The following TNKS variants were observed in gnomAD, a reference collection of about 807,000 sequenced individuals.
TNKS encodes tankyrase, also known as poly [ADP-ribose] polymerase tankyrase-1.
In TNKS, 72 loss-of-function variants were observed where a neutral mutation model predicts 135.8. That is an observed-to-expected ratio of 0.53 (90% CI 0.44 to 0.64). The LOEUF (loss-of-function observed/expected upper bound fraction) is 0.64, where lower values mean the gene tolerates loss of function less well. TNKS is among the 30% of genes least tolerant of loss of function. The pLI is 0.00. For synonymous variants in TNKS, 849 were observed against 649.3 expected (o/e 1.31, Z -4.68); for missense variants, 1,769 against 1,674.0 (o/e 1.06, Z -0.99).
At chr8:9,758,479 G>A (rs745826543) in intron 20 of TNKS, among the ~76,000 whole-genome samples, 10 of 152,104 alleles carry the variant, frequency 6.6e-5, no homozygotes, top group African/African-American at 1.9e-4. Flanking sequence ...CCAAGATAGC[G>A]TAGGTAGATC....
At chr8:9,632,889 C>G (rs1048922727) in intron 3 of TNKS, among the ~76,000 whole-genome samples, 3 of 152,102 alleles carry the variant, frequency 2.0e-5, no homozygotes, top group Non-Finnish European at 4.4e-5. Flanking sequence ...GCCACCACGC[C>G]CGGCTAATTT....
rs1040332297 is a variant in TNKS at position 9,780,986 on chromosome 8, T to C, written c.*4250T>C. On this transcript the variant is annotated 3_prime_UTR_variant, in exon 27 of 27. Coordinates refer to ENST00000310430, the MANE Select transcript of TNKS (RefSeq NM_003747.3). ...GATACCTTGTAGAATATGAGTGATATGCAAGCTGTGTTTTTTAATTGTTTT... is the reference window on the plus strand; with the variant it reads ...GATACCTTGTAGAATATGAGTGATACGCAAGCTGTGTTTTTTAATTGTTTT... 2.0e-5 allele frequency: 3 copies of C among 152,216 alleles called. No individual in the cohort carries two copies. Among genetic ancestry groups the C allele is most frequent in the African/African-American group, 7.2e-5 (3 of 41,446 alleles). The allele number at this position is 152,216 out of a possible 1,614,324, so 9.4% of individuals were successfully genotyped here.
rs144234813 is a variant in TNKS, at chr8:9,626,376, C to G, written c.994+10699C>G. 2.0e-3 allele frequency among the ~76,000 whole-genome samples: 297 copies of G among 152,252 alleles called. 2 individuals are homozygous for G. The highest frequency in any genetic ancestry group is 6.7e-3 in the African/African-American group (279 of 41,546). On this transcript the variant is annotated intron_variant, in intron 3 of 26. Coordinates refer to ENST00000310430, the MANE Select transcript of TNKS (RefSeq NM_003747.3). ...GACAATTTGTTTTTGAATTGGTATA[C>G]TTAGGCGCTGTGAGATTTATGGCAA...
At chr8:9,768,594 C>T (rs1218630777) in intron 25 of TNKS, among the ~76,000 whole-genome samples, 5 of 152,234 alleles carry the variant, frequency 3.3e-5, no homozygotes, top group Non-Finnish European at 5.9e-5. Context: ...CAGCTCACCG[C>T]TGGCTGAGCA....
At chr8:9,608,595 A>ACAGCC (rs1483758791) in intron 2 of TNKS, among the ~76,000 whole-genome samples, 1 of 152,160 alleles carries the variant, frequency 6.6e-6, no homozygotes, top group African/African-American at 2.4e-5. Flanking sequence ...CTGCACAGGT[A>ACAGCC]CAGCCCAGCC....
intron 14 of TNKS, among the ~76,000 whole-genome samples, chr8:9,731,727 G>C (rs1468404016): frequency 6.6e-6 from 1 of 152,166 alleles, no homozygotes; most frequent in East Asian, 1.9e-4. Context: ...TCCCATATCA[G>C]TACTTAATAG....
chr8:9,753,350 A>T (rs1806653490), intron 20 of TNKS, among the ~76,000 whole-genome samples: 1 of 152,202 alleles, frequency 6.6e-6, no homozygotes, highest in African/African-American at 2.4e-5. Flanking sequence ...ACTTTTAAAA[A>T]ATTGCCCCTT....
At chr8:9,580,132 A>G in intron 1 of TNKS, 27 bp from the exon 2 acceptor site, 3 of 1,593,406 alleles carry the variant, frequency 1.9e-6, no homozygotes, top group South Asian at 1.1e-5. Flanking sequence ...AAATATATAT[A>G]CAAGACATTT....
At chr8:9,630,008 T>G (rs1440597838) in intron 3 of TNKS, among the ~76,000 whole-genome samples, 1 of 152,184 alleles carries the variant, frequency 6.6e-6, no homozygotes, top group African/African-American at 2.4e-5. Flanking sequence ...TATTTAGGTC[T>G]CAGCCTAAAA....
intron 14 of TNKS, among the ~76,000 whole-genome samples, chr8:9,733,031 G>T (rs754894830): frequency 8.5e-5 from 13 of 152,144 alleles, no homozygotes; most frequent in Admixed American, 2.0e-4. Context: ...GATAAGGATT[G>T]CTGTGAGTAT....
At chr8:9,708,265 TAG>T in intron 8 of TNKS, 104 bp from the exon 9 acceptor site, 1 of 1,050,916 alleles carries the variant, frequency 9.5e-7, no homozygotes, top group Non-Finnish European at 1.3e-6. Flanking sequence ...GTTGTTAAAA[TAG>T]AGAAATTCAT....
At chr8:9,731,844 G>A (rs1220564870) in intron 14 of TNKS, among the ~76,000 whole-genome samples, 7 of 152,174 alleles carry the variant, frequency 4.6e-5, no homozygotes, top group Non-Finnish European at 8.8e-5. Flanking sequence ...CTGGAGTGCA[G>A]TGGCACAATC....
intron 2 of TNKS, among the ~76,000 whole-genome samples, chr8:9,588,714 A>G (rs749520975): frequency 2.7e-4 from 41 of 152,188 alleles, no homozygotes; most frequent in Non-Finnish European, 4.7e-4. Flanking sequence ...GACTTTGGGC[A>G]GATTATAAGG....
intron 13 of TNKS, among the ~76,000 whole-genome samples, chr8:9,727,513 CT>C (rs1805222699): frequency 6.6e-6 from 1 of 152,168 alleles, no homozygotes; most frequent in Non-Finnish European, 1.5e-5. Context: ...AAGCAATCCT[CT>C]TGCCTTACCC....
intron 12 of TNKS, 49 bp downstream of exon 12, chr8:9,720,594 C>G (rs1460255970): frequency 1.9e-6 from 3 of 1,549,002 alleles, no homozygotes; most frequent in Non-Finnish European, 1.7e-6. Flanking sequence ...TCTTCCATCC[C>G]TGCTGAAATA....
intron 1 of TNKS, among the ~76,000 whole-genome samples, chr8:9,574,363 A>G (rs1007899773): frequency 6.6e-6 from 1 of 152,162 alleles, no homozygotes; most frequent in African/African-American, 2.4e-5. Flanking sequence ...AGAGCCAGTC[A>G]TCTTTGCTTT....
chr8:9,768,219 G>T (rs912932411), intron 25 of TNKS, among the ~76,000 whole-genome samples: 1 of 152,172 alleles, frequency 6.6e-6, no homozygotes, highest in South Asian at 2.1e-4. Context: ...TTTGGCCAGT[G>T]CAGCCCCAGG....
At chr8:9,756,957 TTTTGTTTTTG>T (rs1195295022) in intron 20 of TNKS, among the ~76,000 whole-genome samples, 1 of 151,746 alleles carries the variant, frequency 6.6e-6, no homozygotes, top group Non-Finnish European at 1.5e-5. Flanking sequence ...GGTATACTTT[TTTTGTTTTTG>T]TTTGTTTTTT....
chr8:9,713,105 C>CT (rs987618673), intron 11 of TNKS, among the ~76,000 whole-genome samples: 3 of 151,998 alleles, frequency 2.0e-5, no homozygotes, highest in African/African-American at 7.3e-5. Context: ...TAAAATGGCA[C>CT]TTTATGTTTT....
Sources: gnomAD v4.1 joint callset for allele counts (sites outside exome capture counted in the v4.1 genomes callset) on GRCh38, gnomAD v4.1.1 for gene constraint, MANE v1.5 for transcripts, NCBI Gene and HGNC (gene_info 2026-07-23, HGNC 2026-07-21) for gene names.